Variants in BACH1 observed in about 807,000 individuals in gnomAD.
BACH1 encodes the protein transcription regulator protein BACH1.
BACH1 carries 35 observed loss-of-function variants against 52.9 expected under a neutral mutation model. The observed-to-expected ratio is 0.66, with a 90% CI of 0.51 to 0.88. The LOEUF is 0.88. Ranked by LOEUF, BACH1 falls within the 40% of genes least tolerant of loss-of-function variation. The pLI is 0.00. For missense variants in BACH1, 808 were observed against 872.6 expected (o/e 0.93, Z 0.93); for synonymous variants, 321 against 319.6 (o/e 1.00, Z -0.05).
chr21:29,322,408 A>G (rs11702087), intron 2 of BACH1, among the ~76,000 whole-genome samples: 14,721 of 152,254 alleles, frequency 0.097, 1,087 homozygotes, highest in Non-Finnish European at 0.14. Flanking sequence ...TTATTTTTAC[A>G]TACATCTTTT....
At chr21:29,356,186 C>T (rs1198644997) in intron 2 of BACH1, among the ~76,000 whole-genome samples, 1 of 152,184 alleles carries the variant, frequency 6.6e-6, no homozygotes, top group African/African-American at 2.4e-5. Context: ...AGTTGTATGG[C>T]TCTGCACTGA....
chr21:29,329,570 T>C lies in BACH1; in HGVS notation c.1653T>C (p.Thr551=). The stretch of plus-strand genomic sequence containing the variant: ...CCTTGTTGAAAATGCACAAGCTTAC[T>C]CCAGAACAGCTGGATTGTATCCATG... ...FQSLLKMHKL[T]PEQLDCIHDI... Residue 551 remains threonine, a synonymous_variant, in exon 4 of 5, where the codon ACT becomes ACC. Coordinates refer to ENST00000286800, the MANE Select transcript of BACH1 (RefSeq NM_001186.4). The C allele has an allele frequency of 8.1e-6, 13 of 1,607,330 alleles. No individual in the cohort carries two copies. The highest frequency in any genetic ancestry group is 1.1e-5 in the Non-Finnish European group (13 of 1,177,920).
intron 4 of BACH1, among the ~76,000 whole-genome samples, chr21:29,338,139 T>C (rs1214820171): frequency 3.3e-5 from 5 of 152,194 alleles, no homozygotes; most frequent in Non-Finnish European, 7.4e-5. Context: ...TTGTTTCTCT[T>C]AAAGTCAGTT....
At position 29,343,869 on chromosome 21, in the gene BACH1, A is replaced by G. The variant is rs1268800283; in HGVS notation, c.*1036A>G. On this transcript the variant is annotated 3_prime_UTR_variant, in exon 5 of 5. Coordinates refer to ENST00000286800, the MANE Select transcript of BACH1 (RefSeq NM_001186.4). ...TAAAAATGATTGTAACAGATAAAAAATGTATCTGCAGCAACTCTGCAGGTT... is the reference window on the plus strand; with the variant it reads ...TAAAAATGATTGTAACAGATAAAAAGTGTATCTGCAGCAACTCTGCAGGTT... 1.3e-5 allele frequency: 2 copies of G among 152,254 alleles called. No homozygotes were observed. The highest frequency in any genetic ancestry group is 2.9e-5 in the Non-Finnish European group (2 of 68,036). The allele number at this position is 152,254 out of a possible 1,614,324, so 9.4% of individuals were successfully genotyped here. A position where few individuals can be genotyped will look rare whatever the true frequency, so the allele number is the denominator to read the frequency against.
chr21:29,340,439 T>C (rs1164061260), intron 4 of BACH1, among the ~76,000 whole-genome samples: 1 of 152,082 alleles, frequency 6.6e-6, no homozygotes, highest in Non-Finnish European at 1.5e-5. Flanking sequence ...TTTAGTGGGG[T>C]GGGAGGAGTG....
Position 29,345,840 on chromosome 21 carries a change from A to G in BACH1, c.*3007A>G, listed in dbSNP as rs1448118629. Reference sequence around the variant, plus strand: ...AAGGCATGTAATAAACTATTCTTTGAAACTTGTTGGGTAGAATGAAAATTA... The same window carrying G: ...AAGGCATGTAATAAACTATTCTTTGGAACTTGTTGGGTAGAATGAAAATTA... On this transcript the variant is annotated 3_prime_UTR_variant, in exon 5 of 5. Transcript: ENST00000286800. 2.6e-5 allele frequency: 4 copies of G among 152,624 alleles called. No individual in the cohort carries two copies. The highest frequency in any genetic ancestry group is 9.6e-5 in the African/African-American group (4 of 41,460). 9.5% of individuals were successfully genotyped at this position (152,624 alleles called of 1,614,324 possible).
At chr21:29,331,162 A>G (rs1339895439) in intron 4 of BACH1, among the ~76,000 whole-genome samples, 1 of 152,070 alleles carries the variant, frequency 6.6e-6, no homozygotes, top group Non-Finnish European at 1.5e-5. Context: ...TAGCATTTTG[A>G]GCTTCAGTTT....
Position 29,342,641 on chromosome 21 carries a change from T to A in BACH1, c.2019T>A (p.Ser673=). 1 of 1,614,226 alleles carries A rather than the reference T, an allele frequency of 6.2e-7. No individual in the cohort carries two copies. The highest frequency in any genetic ancestry group is 2.2e-5 in the East Asian group (1 of 44,884). Residue 673 remains serine, a synonymous_variant, in exon 5 of 5, where the codon TCT becomes TCA. Transcript: ENST00000286800. The part of the protein sequence containing the change: ...ELALPSIFSL[S]DRPPAVLPPC... ...CGTTACCATCAATTTTCAGTTTATC[T>A]GACCGGCCTCCAGCAGTGCTGCCTC...
chr21:29,327,293 A>C lies in BACH1; in HGVS notation c.1469A>C (p.Glu490Ala), dbSNP rs1400441954. The change falls in exon 3 of 5, where the codon GAA becomes GCA. Residue 490 changes from glutamate (E) to alanine (A), a missense_variant. By Grantham distance (107) the Glu-to-Ala change is moderately radical. Coordinates refer to ENST00000286800, the MANE Select transcript of BACH1 (RefSeq NM_001186.4). The stretch of plus-strand genomic sequence containing the variant: ...GATTATGTTTCAGAACCCCAGCAAG[A>C]ACCTTGCCCATATGCTTGTGTCATT... Reference protein sequence around the residue: ...NDDYVSEPQQEPCPYACVISL... With the variant: ...NDDYVSEPQQAPCPYACVISL... 47 of 1,614,208 alleles carry C rather than the reference A, an allele frequency of 2.9e-5. No homozygotes were observed. The highest frequency in any genetic ancestry group is 4.0e-5 in the Non-Finnish European group (47 of 1,180,042).
intron 1 of BACH1, among the ~76,000 whole-genome samples, chr21:29,308,106 A>C (rs1485803003): frequency 6.6e-6 from 1 of 152,190 alleles, no homozygotes. Context: ...ACTGAGCTAT[A>C]TTTCAGCTTT....
chr21:29,327,388 T>C lies in BACH1; in HGVS notation c.1564T>C (p.Cys522Arg), dbSNP rs1400796250. Residue 522 changes from cysteine to arginine, a missense_variant, in exon 3 of 5, where the codon TGT becomes CGT. Coordinates refer to ENST00000286800, the MANE Select transcript of BACH1 (RefSeq NM_001186.4). ...ATCCTGTTCAGCCAGAGAACAAGAA[T>C]GTGAGGTGAGCAGGAATATGTTCTT... ...SESCSAREQECEVKLPFNAQR... is the reference protein window; with the variant it reads ...SESCSAREQEREVKLPFNAQR... The C allele has an allele frequency of 5.6e-6, 9 of 1,611,272 alleles. No individual in the cohort carries two copies. Among genetic ancestry groups the C allele is most frequent in the Non-Finnish European group, 7.6e-6 (9 of 1,178,478 alleles).
intron 2 of BACH1, among the ~76,000 whole-genome samples, chr21:29,357,247 C>A (rs1216655169): frequency 6.6e-6 from 1 of 152,236 alleles, no homozygotes; most frequent in Non-Finnish European, 1.5e-5. Flanking sequence ...AGTACTGTTA[C>A]TGTGGCATAA....
chr21:29,320,785 CTA>C (rs1183269405), intron 1 of BACH1, among the ~76,000 whole-genome samples: 5 of 152,194 alleles, frequency 3.3e-5, no homozygotes, highest in Admixed American at 6.5e-5. Flanking sequence ...GCCTGTTTTA[CTA>C]TCAGTCTCAT....
At chr21:29,346,550 C>T (rs1010727055), downstream of BACH1, among the ~76,000 whole-genome samples, 1 of 152,100 alleles carries the variant, frequency 6.6e-6, no homozygotes, top group African/African-American at 2.4e-5. Flanking sequence ...CATAGTGATT[C>T]TCAGCTGGGG....
intron 1 of BACH1, among the ~76,000 whole-genome samples, chr21:29,310,910 G>GAATTATAGATCGAGGGTAT (rs1472212268): frequency 8.5e-5 from 13 of 152,308 alleles, no homozygotes; most frequent in African/African-American, 2.9e-4. Context: ...GGAGAGCAAA[G>GAATTATAGATCGAGGGTAT]AATTATAGAT....
intron 4 of BACH1, among the ~76,000 whole-genome samples, chr21:29,338,383 A>G (rs986281827): frequency 1.3e-5 from 2 of 152,026 alleles, no homozygotes; most frequent in African/African-American, 4.8e-5. Flanking sequence ...GATTTACTCT[A>G]CATTTTTTGA....
intron 2 of BACH1, among the ~76,000 whole-genome samples, chr21:29,354,946 T>C (rs569828458): frequency 1.3e-5 from 2 of 152,206 alleles, no homozygotes; most frequent in South Asian, 4.2e-4. Context: ...GAAGAACTCA[T>C]AATGGAGATA....
At chr21:29,309,650 T>C (rs2088698166) in intron 1 of BACH1, among the ~76,000 whole-genome samples, 1 of 152,248 alleles carries the variant, frequency 6.6e-6, no homozygotes, top group Non-Finnish European at 1.5e-5. Context: ...ACTTGTGCAA[T>C]TTTAATATTT....
At position 29,321,208 on chromosome 21, in the gene BACH1, T is replaced by C; in HGVS notation, c.-60-13T>C. The C allele has an allele frequency of 1.6e-6, 2 of 1,239,758 alleles. No individual in the cohort carries two copies. Among genetic ancestry groups the C allele is most frequent in the Non-Finnish European group, 2.4e-6 (2 of 847,844 alleles). 76.8% of individuals were successfully genotyped at this position (1,239,758 alleles called of 1,614,324 possible). On this transcript the variant is annotated splice_polypyrimidine_tract_variant and intron_variant, in intron 1 of 4. Transcript: ENST00000286800. ...GATGTTATTTAAGTGAAATCTTGCA[T>C]GTGTGTTTGCAGGTTGATGATAATT...
Sources: allele counts gnomAD v4.1 joint callset (sites outside exome capture counted in the v4.1 genomes callset), GRCh38; gene constraint gnomAD v4.1.1; transcripts MANE v1.5; gene names NCBI Gene and HGNC (gene_info 2026-07-23, HGNC 2026-07-21).